The following PLPPR1 variants were observed in gnomAD, a reference collection of about 807,000 sequenced individuals.
The protein encoded by PLPPR1 is phospholipid phosphatase related 1.
In PLPPR1, 10 loss-of-function variants were observed where a neutral mutation model predicts 33.1. The observed-to-expected ratio is 0.30, with a 90% confidence interval of 0.19 to 0.51. PLPPR1 has a LOEUF of 0.51. PLPPR1 is among the 20% of genes least tolerant of loss of function. The pLI is 0.97. For synonymous variants in PLPPR1, 151 were observed against 151.0 expected (o/e 1.00, Z 0.00); for missense variants, 304 against 408.1 (o/e 0.74, Z 2.20).
intron 1 of PLPPR1, among the ~76,000 whole-genome samples, chr9:101,097,062 C>G (rs10819898): frequency 0.7 from 106,882 of 152,104 alleles, 37,705 homozygotes; most frequent in East Asian, 0.89. Flanking sequence ...ATAAGGACAT[C>G]ATCTGAACAG....
intron 4 of PLPPR1, among the ~76,000 whole-genome samples, chr9:101,297,041 G>A (rs969960580): frequency 1.3e-5 from 2 of 152,088 alleles, no homozygotes; most frequent in African/African-American, 2.4e-5. Flanking sequence ...GTGTATTTGT[G>A]TGTTATCCAT....
intron 1 of PLPPR1, among the ~76,000 whole-genome samples, chr9:101,040,869 C>T (rs545221292): frequency 6.6e-6 from 1 of 152,170 alleles, no homozygotes; most frequent in African/African-American, 2.4e-5. Flanking sequence ...TAGAAGAGTA[C>T]CTGTCACACT....
At chr9:101,253,848 T>C (rs1827753543) in intron 2 of PLPPR1, among the ~76,000 whole-genome samples, 1 of 152,136 alleles carries the variant, frequency 6.6e-6, no homozygotes, top group African/African-American at 2.4e-5. Flanking sequence ...AATGTATTTA[T>C]TATATGCCCT....
chr9:101,196,838 C>G (rs1291702152), intron 2 of PLPPR1, among the ~76,000 whole-genome samples: 1 of 151,242 alleles, frequency 6.6e-6, no homozygotes, highest in Admixed American at 6.6e-5. Flanking sequence ...GCACTCCAGC[C>G]TGGGCGACAG....
intron 2 of PLPPR1, among the ~76,000 whole-genome samples, chr9:101,232,282 C>T (rs76028668): frequency 0.022 from 3,357 of 152,072 alleles, 51 homozygotes; most frequent in Middle Eastern, 0.085. Flanking sequence ...CTCATCTGCT[C>T]TCCTGGTTCT....
At chr9:101,322,198 C>CAAAAAAAAAAAAAAAA (rs57344415) in intron 7 of PLPPR1, among the ~76,000 whole-genome samples, 3 of 27,680 alleles carry the variant, frequency 1.1e-4, no homozygotes, top group Non-Finnish European at 2.0e-4. Context: ...GACTTCATCT[C>CAAAAAAAAAAAAAAAA]AAAAAAAAAA....
intron 4 of PLPPR1, among the ~76,000 whole-genome samples, chr9:101,298,893 G>T (rs992867996): frequency 6.6e-6 from 1 of 152,224 alleles, no homozygotes; most frequent in Non-Finnish European, 1.5e-5. Context: ...AGGAGAAGCT[G>T]TATACCATGA....
intron 1 of PLPPR1, among the ~76,000 whole-genome samples, chr9:101,031,202 G>A (rs1259117284): frequency 6.6e-6 from 1 of 152,142 alleles, no homozygotes; most frequent in Non-Finnish European, 1.5e-5. Flanking sequence ...ACCTTGGCAA[G>A]AAAAGATCAA....
intron 1 of PLPPR1, among the ~76,000 whole-genome samples, chr9:101,163,155 A>T (rs1825791731): frequency 2.0e-5 from 3 of 152,216 alleles, no homozygotes. Flanking sequence ...ATGTTTAATA[A>T]GTATTGCTAA....
At chr9:101,092,163 ATCTTTGTCT>A (rs1830749790) in intron 1 of PLPPR1, among the ~76,000 whole-genome samples, 1 of 152,148 alleles carries the variant, frequency 6.6e-6, no homozygotes, top group Admixed American at 6.6e-5. Context: ...TTGTGTTTCT[ATCTTTGTCT>A]TGCTAAAGTC....
chr9:101,049,337 A>C (rs559942006), intron 1 of PLPPR1, among the ~76,000 whole-genome samples: 13 of 152,224 alleles, frequency 8.5e-5, no homozygotes, highest in Non-Finnish European at 1.6e-4. Context: ...CTAAATGCTT[A>C]ACAAGAAGAC....
chr9:101,316,297 C>T (rs1294864635), intron 6 of PLPPR1, among the ~76,000 whole-genome samples: 5 of 152,060 alleles, frequency 3.3e-5, no homozygotes, highest in South Asian at 2.1e-4. Flanking sequence ...AGTAGCCAGG[C>T]GTGCTGGTGG....
At chr9:101,045,776 G>A (rs1016149333) in intron 1 of PLPPR1, among the ~76,000 whole-genome samples, 1 of 152,112 alleles carries the variant, frequency 6.6e-6, no homozygotes, top group Admixed American at 6.6e-5. Context: ...CTTTAACATG[G>A]GAAAGATATT....
At chr9:101,181,188 T>G (rs1826104998) in intron 1 of PLPPR1, among the ~76,000 whole-genome samples, 1 of 146,824 alleles carries the variant, frequency 6.8e-6, no homozygotes, top group Admixed American at 6.8e-5. Flanking sequence ...ATTTATAAAT[T>G]TATATATATT....
At chr9:101,258,950 T>C (rs565567810) in intron 2 of PLPPR1, among the ~76,000 whole-genome samples, 1 of 152,348 alleles carries the variant, frequency 6.6e-6, no homozygotes, top group African/African-American at 2.4e-5. Flanking sequence ...TTCTTCTATG[T>C]ATTCATCCAT....
In PLPPR1 at chr9:101,124,442, T is replaced by C. The variant is rs372975284; in HGVS notation, c.-45-61008T>C. Among the ~76,000 whole-genome samples, 232 of 152,314 alleles carry C rather than the reference T, an allele frequency of 1.5e-3. No homozygotes were observed. The Middle Eastern group carries it at 0.044, about 29-fold the overall frequency. On this transcript the variant is annotated intron_variant, in intron 1 of 7. Coordinates refer to ENST00000374874, the MANE Select transcript of PLPPR1 (RefSeq NM_207299.2). ...CTGGTGCTCCAGCAGTTTTTCAGCT[T>C]CCTGTGCGGTTTTCTTGATCTGTTC...
intron 1 of PLPPR1, among the ~76,000 whole-genome samples, chr9:101,142,324 G>T (rs73656168): frequency 2.5e-3 from 385 of 152,282 alleles, no homozygotes; most frequent in African/African-American, 8.7e-3. Context: ...CAAAAAATGA[G>T]TAGATGGGTT....
chr9:101,102,050 C>G (rs1830907594), intron 1 of PLPPR1, among the ~76,000 whole-genome samples: 1 of 148,334 alleles, frequency 6.7e-6, no homozygotes, highest in Admixed American at 6.7e-5. Flanking sequence ...GTCTGCTTTC[C>G]CATTATACTA....
intron 2 of PLPPR1, among the ~76,000 whole-genome samples, chr9:101,203,473 C>A (rs936020395): frequency 2.6e-5 from 4 of 152,050 alleles, no homozygotes; most frequent in African/African-American, 9.7e-5. Context: ...TTGAAGAAAT[C>A]ACTTTGAAGC....
Sources: allele counts gnomAD v4.1 joint callset (sites outside exome capture counted in the v4.1 genomes callset), GRCh38; gene constraint gnomAD v4.1.1; transcripts MANE v1.5; gene names NCBI Gene and HGNC (gene_info 2026-07-23, HGNC 2026-07-21).